DECR1: variants seen among roughly 807,000 people sequenced by gnomAD.
DECR1 encodes the protein 2,4-dienoyl-CoA reductase [(3E)-enoyl-CoA-producing], mitochondrial.
A neutral mutation model predicts 38.8 loss-of-function variants in DECR1; 44 were observed. The ratio of observed to expected loss-of-function variants is 1.13; its 90% CI spans 0.89 to 1.46. The LOEUF (loss-of-function observed/expected upper bound fraction) is 1.46, where lower values mean the gene tolerates loss of function less well. Ranked by LOEUF, DECR1 falls within the 40% of genes most tolerant of loss-of-function variation. The pLI is 0.00. For synonymous variants in DECR1, 148 were observed against 135.2 expected (o/e 1.09, Z -0.66); for missense variants, 428 against 405.5 (o/e 1.06, Z -0.48).
intron 1 of DECR1, among the ~76,000 whole-genome samples, chr8:90,002,171 G>A (rs961073116): frequency 4.6e-5 from 7 of 152,182 alleles, no homozygotes; most frequent in Non-Finnish European, 7.3e-5. Flanking sequence ...AGGATACGGC[G>A]CCCGTCCACC....
intron 1 of DECR1, among the ~76,000 whole-genome samples, chr8:90,009,425 A>G (rs1253585878): frequency 1.3e-5 from 2 of 152,030 alleles, no homozygotes; most frequent in African/African-American, 2.4e-5. Flanking sequence ...AACTTTTAAT[A>G]TACTACATAT....
intron 1 of DECR1, among the ~76,000 whole-genome samples, chr8:90,012,706 A>C (rs549647557): frequency 6.6e-6 from 1 of 152,346 alleles, no homozygotes; most frequent in African/African-American, 2.4e-5. Flanking sequence ...ATAGTGATGA[A>C]TATAAGGTCG....
Position 90,012,277 on chromosome 8 carries a change from C to T in DECR1, c.70-4847C>T, listed in dbSNP as rs7004379. Among the ~76,000 whole-genome samples, 621 of 151,744 alleles carry T rather than the reference C, an allele frequency of 4.1e-3. 2 individuals are homozygous for T. The highest frequency in any genetic ancestry group is 0.014 in the African/African-American group (594 of 41,384). ...AAGAAATTCTCCTGCCTCAGCCTCT[C>T]GAATAGCTGGGACTACAGGCGCATG... On this transcript the variant is annotated intron_variant, in intron 1 of 9. Coordinates refer to ENST00000220764, the MANE Select transcript of DECR1 (RefSeq NM_001359.2).
At chr8:90,040,082 C>A (rs1374533159) in intron 6 of DECR1, among the ~76,000 whole-genome samples, 2 of 152,184 alleles carry the variant, frequency 1.3e-5, no homozygotes, top group East Asian at 3.8e-4. Flanking sequence ...ATCTGGCACA[C>A]CTCTGAGCAC....
chr8:90,046,145 G>T (rs962841516), intron 8 of DECR1, among the ~76,000 whole-genome samples: 1 of 152,240 alleles, frequency 6.6e-6, no homozygotes. Context: ...CCAAAGGAAT[G>T]CAGCTCCTCG....
chr8:90,014,935 A>G (rs900941644), intron 1 of DECR1, among the ~76,000 whole-genome samples: 41 of 152,284 alleles, frequency 2.7e-4, no homozygotes, highest in African/African-American at 7.9e-4. Context: ...AGTTGCTTGG[A>G]TTACTGTGCT....
intron 1 of DECR1, chr8:90,006,342 G>A: frequency 4.3e-6 from 3 of 703,950 alleles, no homozygotes; most frequent in Middle Eastern, 2.3e-4. Flanking sequence ...TGAAAGATGA[G>A]TAGGAGTTAG....
intron 1 of DECR1, among the ~76,000 whole-genome samples, chr8:90,006,762 G>C (rs1280816535): frequency 6.6e-6 from 1 of 152,168 alleles, no homozygotes; most frequent in Non-Finnish European, 1.5e-5. Flanking sequence ...GAAGTAGGGA[G>C]ACCAAACATC....
In DECR1 at chr8:90,051,909, C is replaced by G; in HGVS notation, c.*12C>G. ...CAAAAGGTTCCTAAGACCACTTTGG[C>G]CTTCATCTTGGTTACAGAAAAGGGA... On this transcript the variant is annotated 3_prime_UTR_variant, in exon 10 of 10. Coordinates refer to ENST00000220764, the MANE Select transcript of DECR1 (RefSeq NM_001359.2). The G allele has an allele frequency of 6.2e-7, 1 of 1,612,014 alleles. No homozygotes were observed. Among genetic ancestry groups the G allele is most frequent in the Non-Finnish European group, 8.5e-7 (1 of 1,178,464 alleles).
Position 90,042,726 on chromosome 8 carries a change from A to G in DECR1, c.666-2A>G. The stretch of plus-strand genomic sequence containing the variant: ...ATGTATGTTGTTGATTTTAATTTTT[A>G]GGTCTCTTGCAGCTGAATGGGGTAA... On this transcript the variant is annotated splice_acceptor_variant, in intron 6 of 9. Coordinates refer to ENST00000220764, the MANE Select transcript of DECR1 (RefSeq NM_001359.2). LOFTEE classifies it high-confidence loss of function. 6.2e-7 allele frequency: 1 copy of G among 1,612,648 alleles called. No homozygotes were observed. The highest frequency in any genetic ancestry group is 8.5e-7 in the Non-Finnish European group (1 of 1,178,944).
At position 90,017,283 on chromosome 8, in the gene DECR1, A is replaced by G; in HGVS notation, c.229A>G (p.Thr77Ala). The G allele has an allele frequency of 2.5e-6, 4 of 1,614,004 alleles. No individual in the cohort carries two copies. Among genetic ancestry groups the G allele is most frequent in the South Asian group, 1.1e-5 (1 of 91,070 alleles). ...GGTGLGKGMTTLLSSLGAQCV... is the reference protein window; with the variant it reads ...GGTGLGKGMTALLSSLGAQCV... Reference sequence around the variant, plus strand: ...TACTGGCCTTGGTAAAGGAATGACAACTCTTCTGTCCAGCCTAGGTGCTCA... The same window carrying G: ...TACTGGCCTTGGTAAAGGAATGACAGCTCTTCTGTCCAGCCTAGGTGCTCA... The change falls in exon 2 of 10, where the codon ACT (threonine) becomes GCT (alanine). Residue 77 changes from threonine to alanine, a missense_variant. By Grantham distance (58) the Thr-to-Ala change is moderately conservative. Transcript: ENST00000220764.
At chr8:90,007,706 A>G (rs1197631320) in intron 1 of DECR1, among the ~76,000 whole-genome samples, 1 of 152,262 alleles carries the variant, frequency 6.6e-6, no homozygotes, top group East Asian at 1.9e-4. Flanking sequence ...AGGTCATGAT[A>G]ATGACATCAA....
intron 1 of DECR1, among the ~76,000 whole-genome samples, chr8:90,016,090 G>C (rs1456950186): frequency 6.6e-6 from 1 of 152,120 alleles, no homozygotes; most frequent in East Asian, 1.9e-4. Flanking sequence ...AGTACAAGCT[G>C]TTAACATATA....
rs550033443 is a variant in DECR1, at chr8:90,050,466, A to G, written c.886-1211A>G. 7.9e-5 allele frequency among the ~76,000 whole-genome samples: 12 copies of G among 152,314 alleles called. No homozygotes were observed. The East Asian group carries it at 2.3e-3, about 29-fold the overall frequency. ...CATCAGAGAAATGCAAATCAAAACC[A>G]CAGTGAGATACCATCTCACACCAGT... On this transcript the variant is annotated intron_variant, in intron 8 of 9. Coordinates refer to ENST00000220764, the MANE Select transcript of DECR1 (RefSeq NM_001359.2).
chr8:90,035,584 T>G (rs1205419023), intron 5 of DECR1, among the ~76,000 whole-genome samples: 1 of 152,140 alleles, frequency 6.6e-6, no homozygotes, highest in Non-Finnish European at 1.5e-5. Context: ...TGAAATCTTT[T>G]AAAATATTTG....
intron 1 of DECR1, among the ~76,000 whole-genome samples, chr8:90,012,515 C>T (rs1165910827): frequency 2.0e-5 from 3 of 152,114 alleles, no homozygotes; most frequent in African/African-American, 7.2e-5. Context: ...AATTTAGGGT[C>T]ATTGGAAATG....
intron 5 of DECR1, among the ~76,000 whole-genome samples, chr8:90,035,931 A>AT (rs111363097): frequency 0.045 from 6,839 of 150,508 alleles, 290 homozygotes; most frequent in East Asian, 0.19. Context: ...CTACTAAGGC[A>AT]TTTTTTTTTC....
chr8:90,036,587 C>G (rs1329338664), intron 5 of DECR1, among the ~76,000 whole-genome samples: 1 of 152,170 alleles, frequency 6.6e-6, no homozygotes, highest in Non-Finnish European at 1.5e-5. Context: ...GAGATTTGGG[C>G]TTTCGTATTG....
At chr8:90,018,607 C>T (rs565764401) in intron 2 of DECR1, 138 of 245,412 alleles carry the variant, frequency 5.6e-4, no homozygotes, top group Non-Finnish European at 9.3e-4. Flanking sequence ...ACAAAACCTA[C>T]TAACATTATA....
Sources: allele counts gnomAD v4.1 joint callset (sites outside exome capture counted in the v4.1 genomes callset), GRCh38; gene constraint gnomAD v4.1.1; transcripts MANE v1.5; gene names NCBI Gene and HGNC (gene_info 2026-07-23, HGNC 2026-07-21).